Variants in TTC27 observed in about 807,000 individuals in gnomAD.
The protein encoded by TTC27 is tetratricopeptide repeat protein 27.
Under a neutral mutation model 115.9 loss-of-function variants are expected in TTC27, and 79 were observed. The observed-to-expected ratio is 0.68, with a 90% CI of 0.57 to 0.82. TTC27 has a LOEUF of 0.82. Ranked by LOEUF, TTC27 falls within the 40% of genes least tolerant of loss-of-function variation. TTC27 has a pLI of 0.00. For synonymous variants in TTC27, 401 were observed against 356.0 expected (o/e 1.13, Z -1.42); for missense variants, 1,054 against 993.1 (o/e 1.06, Z -0.82).
chr2:32,664,936 A>C (rs1161697337), intron 6 of TTC27, among the ~76,000 whole-genome samples: 1 of 151,488 alleles, frequency 6.6e-6, no homozygotes, highest in East Asian at 1.9e-4. Context: ...GGGTTCAAGC[A>C]ATTCTCCTGC....
Position 32,685,953 on chromosome 2 carries a change from A to T in TTC27, c.1119+7031A>T, listed in dbSNP as rs1388902986. Among the ~76,000 whole-genome samples the T allele has an allele frequency of 2.0e-5, 3 of 152,222 alleles. No homozygotes were observed. The East Asian group carries it at 5.8e-4, about 29-fold the overall frequency. Reference sequence around the variant, plus strand: ...TGCAGAGGTGACATGTTTATGTCATAGAAAAACTCTTAAGAATGAACATGA... The same window carrying T: ...TGCAGAGGTGACATGTTTATGTCATTGAAAAACTCTTAAGAATGAACATGA... On this transcript the variant is annotated intron_variant, in intron 9 of 19. Transcript: ENST00000317907.
chr2:32,746,817 T>C (rs1668849203), intron 12 of TTC27, among the ~76,000 whole-genome samples: 2 of 152,058 alleles, frequency 1.3e-5, no homozygotes, highest in Non-Finnish European at 2.9e-5. Flanking sequence ...AAACAGAACA[T>C]TTTGGAAAGA....
At chr2:32,642,444 G>C (rs1664688136) in intron 4 of TTC27, among the ~76,000 whole-genome samples, 1 of 151,556 alleles carries the variant, frequency 6.6e-6, no homozygotes, top group Admixed American at 6.6e-5. Context: ...GTAGAGACAT[G>C]GTTTCGCCAT....
At chr2:32,632,613 G>T (rs191827695) in intron 2 of TTC27, among the ~76,000 whole-genome samples, 1 of 151,658 alleles carries the variant, frequency 6.6e-6, no homozygotes, top group African/African-American at 2.4e-5. Flanking sequence ...CTCTAATGCT[G>T]CTTATTTGCA....
chr2:32,733,230 A>G (rs911670757), intron 10 of TTC27, among the ~76,000 whole-genome samples: 1 of 152,206 alleles, frequency 6.6e-6, no homozygotes, highest in Non-Finnish European at 1.5e-5. Flanking sequence ...TTAGTTATTC[A>G]GTACCATTGT....
chr2:32,687,908 A>G (rs1572516438), intron 9 of TTC27, among the ~76,000 whole-genome samples: 1 of 152,358 alleles, frequency 6.6e-6, no homozygotes, highest in East Asian at 1.9e-4. Context: ...CTTGGCAAAC[A>G]GCAAGTAAAT....
chr2:32,714,131 G>A (rs6731891), intron 10 of TTC27, among the ~76,000 whole-genome samples: 1,988 of 150,438 alleles, frequency 0.013, 39 homozygotes, highest in African/African-American at 0.046. Context: ...AGTATTCCAT[G>A]GTGTATATGC....
At chr2:32,639,897 G>A (rs1023099248) in intron 3 of TTC27, among the ~76,000 whole-genome samples, 1 of 152,094 alleles carries the variant, frequency 6.6e-6, no homozygotes, top group African/African-American at 2.4e-5. Flanking sequence ...CCAGCTATTC[G>A]CCCAGGCAGG....
Position 32,758,412 on chromosome 2 carries a change from C to T in TTC27, c.1573C>T (p.Arg525Cys), listed in dbSNP as rs150930889. Residue 525 changes from arginine (R) to cysteine (C), a missense_variant, in exon 13 of 20, where the codon CGC becomes TGC. Arg to Cys is a radical substitution (Grantham distance 180). Coordinates refer to ENST00000317907, the MANE Select transcript of TTC27 (RefSeq NM_017735.5). Reference sequence around the variant, plus strand: ...CAAGGCCTGGGAGTTGTCCCGGTACCGCAGTGCTCGTGCTCAGCGCTCCAA... The same window carrying T: ...CAAGGCCTGGGAGTTGTCCCGGTACTGCAGTGCTCGTGCTCAGCGCTCCAA... Reference protein sequence around the residue: ...YDKAWELSRYRSARAQRSKAL... With the variant: ...YDKAWELSRYCSARAQRSKAL... The T allele has an allele frequency of 2.1e-4, 344 of 1,614,062 alleles. No individual in the cohort carries two copies. The highest frequency in any genetic ancestry group is 4.9e-4 in the Middle Eastern group (3 of 6,084).
intron 12 of TTC27, among the ~76,000 whole-genome samples, chr2:32,755,111 G>T (rs970729843): frequency 1.3e-5 from 2 of 151,786 alleles, no homozygotes; most frequent in Non-Finnish European, 2.9e-5. Context: ...GATGGCGGGC[G>T]GGCAGAGATG....
chr2:32,659,259 C>T (rs1244300817), intron 5 of TTC27, among the ~76,000 whole-genome samples: 1 of 152,110 alleles, frequency 6.6e-6, no homozygotes, highest in Non-Finnish European at 1.5e-5. Flanking sequence ...GCCACGATGC[C>T]CAGCCCCTCC....
intron 5 of TTC27, among the ~76,000 whole-genome samples, chr2:32,654,764 T>G (rs1665256631): frequency 6.6e-6 from 1 of 151,018 alleles, no homozygotes; most frequent in Non-Finnish European, 1.5e-5. Context: ...GGCGTGATCT[T>G]GGCTCACTGC....
chr2:32,744,857 C>T (rs1176985598), intron 12 of TTC27, among the ~76,000 whole-genome samples: 1 of 151,796 alleles, frequency 6.6e-6, no homozygotes, highest in Non-Finnish European at 1.5e-5. Context: ...GAGACCAGCC[C>T]GCCAGCCTGG....
intron 8 of TTC27, among the ~76,000 whole-genome samples, chr2:32,676,991 G>T (rs921737403): frequency 1.3e-5 from 2 of 151,496 alleles, no homozygotes; most frequent in Non-Finnish European, 2.9e-5. Flanking sequence ...ATAATAAAAA[G>T]AACTCTGGTG....
chr2:32,713,004 T>C (rs1667635516), intron 10 of TTC27, among the ~76,000 whole-genome samples: 1 of 152,224 alleles, frequency 6.6e-6, no homozygotes, highest in African/African-American at 2.4e-5. Flanking sequence ...AGGTCATTAA[T>C]GGATTAATGC....
intron 9 of TTC27, among the ~76,000 whole-genome samples, chr2:32,692,089 C>T (rs995582899): frequency 1.2e-4 from 12 of 103,616 alleles, no homozygotes; most frequent in Non-Finnish European, 1.8e-4. Flanking sequence ...CCATATTGCT[C>T]AGGCTGGTCT....
intron 15 of TTC27, among the ~76,000 whole-genome samples, chr2:32,785,047 A>G (rs996464011): frequency 1.3e-5 from 2 of 152,222 alleles, no homozygotes; most frequent in Admixed American, 6.5e-5. Flanking sequence ...AAATGCTCTT[A>G]ACCTTTGTAT....
intron 16 of TTC27, among the ~76,000 whole-genome samples, chr2:32,793,915 T>C (rs1388931841): frequency 1.3e-5 from 2 of 152,184 alleles, no homozygotes; most frequent in African/African-American, 4.8e-5. Flanking sequence ...TAAAAGCTAG[T>C]AGTATTGTAA....
chr2:32,770,377 C>T (rs1669786226), intron 13 of TTC27, among the ~76,000 whole-genome samples: 1 of 152,160 alleles, frequency 6.6e-6, no homozygotes, highest in African/African-American at 2.4e-5. Context: ...GGATTTCAAC[C>T]TGAGCTTTCT....
Sources: allele counts gnomAD v4.1 joint callset (sites outside exome capture counted in the v4.1 genomes callset), GRCh38; gene constraint gnomAD v4.1.1; transcripts MANE v1.5; gene names NCBI Gene and HGNC (gene_info 2026-07-23, HGNC 2026-07-21).